CTNNA2: variants seen among roughly 807,000 people sequenced by gnomAD.
CTNNA2 encodes the protein catenin alpha-2.
CTNNA2 carries 42 observed loss-of-function variants against 101.0 expected under a neutral mutation model. The ratio of observed to expected loss-of-function variants is 0.42; its 90% CI spans 0.32 to 0.54. The LOEUF is 0.54. Ranked by LOEUF, CTNNA2 falls within the 20% of genes least tolerant of loss-of-function variation. CTNNA2 has a pLI of 0.14. For synonymous variants in CTNNA2, 450 were observed against 456.4 expected (o/e 0.99, Z 0.18); for missense variants, 871 against 1,223.1 (o/e 0.71, Z 4.29).
chr2:79,266,114 T>C (rs1558591934), intron 2 of CTNNA2, among the ~76,000 whole-genome samples: 1 of 152,222 alleles, frequency 6.6e-6, no homozygotes, highest in Non-Finnish European at 1.5e-5. Flanking sequence ...CTGTTGGTGC[T>C]GTGTCCACAC....
chr2:79,910,894 C>T (rs1006890631), intron 7 of CTNNA2, among the ~76,000 whole-genome samples: 3 of 152,132 alleles, frequency 2.0e-5, no homozygotes. Context: ...TGCTGACCCT[C>T]CAGAGAACTC....
intron 7 of CTNNA2, among the ~76,000 whole-genome samples, chr2:80,193,842 A>G (rs1338047088): frequency 6.6e-6 from 1 of 152,144 alleles, no homozygotes; most frequent in Non-Finnish European, 1.5e-5. Flanking sequence ...TGATACTGAA[A>G]GTCATGTCTG....
At chr2:80,242,843 G>A (rs1671046231) in intron 7 of CTNNA2, among the ~76,000 whole-genome samples, 1 of 152,164 alleles carries the variant, frequency 6.6e-6, no homozygotes, top group African/African-American at 2.4e-5. Context: ...TCATTCTGCA[G>A]GGATCCTGCT....
chr2:80,038,285 A>G (rs55695546), intron 7 of CTNNA2, among the ~76,000 whole-genome samples: 5,119 of 152,160 alleles, frequency 0.034, 270 homozygotes, highest in African/African-American at 0.12. Flanking sequence ...GAAGATAGAA[A>G]TGGGAGATGG....
At chr2:80,370,319 G>C (rs1447167063) in intron 7 of CTNNA2, among the ~76,000 whole-genome samples, 2 of 151,960 alleles carry the variant, frequency 1.3e-5, no homozygotes, top group African/African-American at 4.8e-5. Flanking sequence ...GCTACCTAGT[G>C]AAATATTACC....
At chr2:80,438,883 A>C (rs1682297970) in intron 9 of CTNNA2, among the ~76,000 whole-genome samples, 1 of 152,224 alleles carries the variant, frequency 6.6e-6, no homozygotes, top group Non-Finnish European at 1.5e-5. Flanking sequence ...CTCATAGAGA[A>C]TGAAGGATGA....
chr2:79,791,587 A>G (rs1234834542), intron 3 of CTNNA2, among the ~76,000 whole-genome samples: 2 of 152,018 alleles, frequency 1.3e-5, no homozygotes, highest in Non-Finnish European at 2.9e-5. Flanking sequence ...TTATGAAAAC[A>G]TATACTCCTT....
chr2:80,397,245 T>C (rs2149373580), intron 8 of CTNNA2, among the ~76,000 whole-genome samples: 1 of 152,342 alleles, frequency 6.6e-6, no homozygotes, highest in African/African-American at 2.4e-5. Flanking sequence ...AACTAATTTA[T>C]AACCCACTTG....
At chr2:79,929,989 C>A (rs1301127017) in intron 7 of CTNNA2, among the ~76,000 whole-genome samples, 2 of 152,060 alleles carry the variant, frequency 1.3e-5, no homozygotes, top group African/African-American at 4.8e-5. Context: ...GTAATCCCAG[C>A]ACTTTGAGAG....
intron 2 of CTNNA2, among the ~76,000 whole-genome samples, chr2:79,735,170 C>T (rs547331052): frequency 6.6e-6 from 1 of 152,244 alleles, no homozygotes; most frequent in Non-Finnish European, 1.5e-5. Context: ...ACCATACTCT[C>T]TGGAGGTTAC....
At chr2:79,975,567 G>A (rs1208382995) in intron 7 of CTNNA2, among the ~76,000 whole-genome samples, 1 of 152,124 alleles carries the variant, frequency 6.6e-6, no homozygotes, top group East Asian at 1.9e-4. Flanking sequence ...AGCAAGCACA[G>A]GTTGTGGCCT....
At chr2:80,313,241 T>C in intron 7 of CTNNA2, 1 of 401,654 alleles carries the variant, frequency 2.5e-6, no homozygotes, top group Non-Finnish European at 3.8e-6. Flanking sequence ...GATGCATTTA[T>C]CTCTTCATTC....
At chr2:79,983,507 G>A (rs1277419103) in intron 7 of CTNNA2, among the ~76,000 whole-genome samples, 1 of 152,164 alleles carries the variant, frequency 6.6e-6, no homozygotes, top group Non-Finnish European at 1.5e-5. Context: ...TTGGTAATTA[G>A]AAGGATGTAG....
chr2:79,587,869 C>T (rs1676596018), intron 1 of CTNNA2, among the ~76,000 whole-genome samples: 1 of 152,128 alleles, frequency 6.6e-6, no homozygotes, highest in Non-Finnish European at 1.5e-5. Flanking sequence ...AGAATAAACT[C>T]AATAAACACA....
At position 79,281,303 on chromosome 2, in the gene CTNNA2, A is replaced by C. The variant is rs1410619932; in HGVS notation, c.-405-31406A>C. ...GACGCAAGACAAGAAGCTGGTCCCC[A>C]TGGTGGTGATCTAAAGATACTGGTC... On this transcript the variant is annotated intron_variant, in intron 2 of 21. Transcript: ENST00000466387. 2.0e-5 allele frequency among the ~76,000 whole-genome samples: 3 copies of C among 152,128 alleles called. No homozygotes were observed. The South Asian group carries it at 6.2e-4, about 31-fold the overall frequency.
chr2:79,254,699 G>T (rs1006973656), intron 2 of CTNNA2, among the ~76,000 whole-genome samples: 2 of 152,114 alleles, frequency 1.3e-5, no homozygotes, highest in African/African-American at 4.8e-5. Flanking sequence ...TAGTAAGCAA[G>T]CCCATGAATT....
intron 4 of CTNNA2, among the ~76,000 whole-genome samples, chr2:79,492,894 A>C: frequency 6.6e-6 from 1 of 152,214 alleles, no homozygotes; most frequent in East Asian, 1.9e-4. Flanking sequence ...AGAAATGCAA[A>C]GTTGGCTTAA....
In CTNNA2 at chr2:80,412,975, G is replaced by T. The variant is rs13423808; in HGVS notation, c.1138-6474G>T. 5.7e-3 allele frequency among the ~76,000 whole-genome samples: 872 copies of T among 152,244 alleles called. 3 individuals carry two copies. The highest frequency in any genetic ancestry group is 0.02 in the African/African-American group (819 of 41,548). ...AACATGACACATGGCCAAGCCCAGA[G>T]TCACAGAGGGCAGGCACTACAGAGT... On this transcript the variant is annotated intron_variant, in intron 8 of 18. Transcript: ENST00000402739.
intron 7 of CTNNA2, among the ~76,000 whole-genome samples, chr2:80,203,884 A>G (rs1707364197): frequency 6.6e-6 from 1 of 152,132 alleles, no homozygotes; most frequent in South Asian, 2.1e-4. Flanking sequence ...ATTTTCATAC[A>G]TCCTCTGAAA....
Sources: allele counts gnomAD v4.1 joint callset (sites outside exome capture counted in the v4.1 genomes callset), GRCh38; gene constraint gnomAD v4.1.1; transcripts MANE v1.5; gene names NCBI Gene and HGNC (gene_info 2026-07-23, HGNC 2026-07-21).